ELOVL2: variants seen among roughly 807,000 people sequenced by gnomAD.
ELOVL2 encodes ELOVL fatty acid elongase 2, also known as very long chain fatty acid elongase 2.
A neutral mutation model predicts 37.7 loss-of-function variants in ELOVL2; 38 were observed. The observed-to-expected ratio is 1.01, with a 90% CI of 0.78 to 1.32. The LOEUF (loss-of-function observed/expected upper bound fraction) is 1.32. Among genes scored for constraint, ELOVL2 ranks in the 40% most tolerant of loss-of-function variants. ELOVL2 has a pLI of 0.00. For synonymous variants in ELOVL2, 115 were observed against 122.3 expected, an observed-to-expected ratio of 0.94 and a Z score of 0.40; for missense variants, 352 against 363.6, an observed-to-expected ratio of 0.97 and a Z score of 0.26.
Position 11,010,739 on chromosome 6 carries a change from C to G in ELOVL2, c.67+7G>C. The G allele has an allele frequency of 6.2e-7, 1 of 1,610,470 alleles. No homozygotes were observed. The highest frequency in any genetic ancestry group is 8.5e-7 in the Non-Finnish European group (1 of 1,177,400). Reference sequence around the variant, plus strand: ...TTCCACATTAAGTTCTCAAGTAATTCACTGACCTCGCGGTCCAAACATATT... The same window carrying G: ...TTCCACATTAAGTTCTCAAGTAATTGACTGACCTCGCGGTCCAAACATATT... On this transcript the variant is annotated splice_region_variant and intron_variant, in intron 2 of 7. Transcript: ENST00000354666.
chr6:11,028,593 A>T (rs1051831520), intron 1 of ELOVL2, among the ~76,000 whole-genome samples: 11 of 149,528 alleles, frequency 7.4e-5, no homozygotes, highest in African/African-American at 2.7e-4. Flanking sequence ...TTTTTATGGT[A>T]TTTTTTTTTT....
chr6:10,983,856 C>G lies in ELOVL2; in HGVS notation c.816G>C (p.Gly272=). 1 of 1,613,982 alleles carries G rather than the reference C, an allele frequency of 6.2e-7. No individual in the cohort carries two copies. Among genetic ancestry groups the G allele is most frequent in the Non-Finnish European group, 8.5e-7 (1 of 1,179,944 alleles). The stretch of plus-strand genomic sequence containing the variant: ...TGGAAAAACCATTCTTCACTTCTTT[C>G]CCTGCAGGTGGCTCTTGCATATCTT... The part of the protein sequence containing the change: ...MKKDMQEPPA[G]KEVKNGFSKA... Residue 272 remains glycine (G), a synonymous_variant, in exon 8 of 8, where the codon GGG becomes GGC. Coordinates refer to ENST00000354666, the MANE Select transcript of ELOVL2 (RefSeq NM_017770.4).
At chr6:11,024,361 T>C (rs1174856633) in intron 1 of ELOVL2, among the ~76,000 whole-genome samples, 1 of 152,210 alleles carries the variant, frequency 6.6e-6, no homozygotes, top group Non-Finnish European at 1.5e-5. Context: ...ACTACTATCC[T>C]TTTTCTTATT....
chr6:11,032,603 T>A (rs2113561117), intron 1 of ELOVL2, among the ~76,000 whole-genome samples: 1 of 152,340 alleles, frequency 6.6e-6, no homozygotes, highest in East Asian at 1.9e-4. Flanking sequence ...AGTTTATGAC[T>A]CTGAATGAAA....
rs1781926078 is a variant in ELOVL2 at position 10,981,088 on chromosome 6, CG to C, written c.*2692del. The C allele has an allele frequency of 1.3e-5, 2 of 152,112 alleles. No individual in the cohort carries two copies. The highest frequency in any genetic ancestry group is 4.1e-4 in the South Asian group (2 of 4,832). 9.4% of individuals were successfully genotyped at this position (152,112 alleles called of 1,614,324 possible). On this transcript the variant is annotated 3_prime_UTR_variant, in exon 8 of 8. Coordinates refer to ENST00000354666, the MANE Select transcript of ELOVL2 (RefSeq NM_017770.4). ...AAATGCAGGGGTGAGGACTTTACCC[CG>C]TAACATGCCTAAGTGGTTCGATATA...
At chr6:11,032,714 T>C (rs1782948826) in intron 1 of ELOVL2, among the ~76,000 whole-genome samples, 1 of 152,252 alleles carries the variant, frequency 6.6e-6, no homozygotes, top group Admixed American at 6.5e-5. Flanking sequence ...TGCAGGTACC[T>C]TTCTAGTGCT....
chr6:11,002,813 A>G (rs1782413754), intron 3 of ELOVL2, among the ~76,000 whole-genome samples: 1 of 152,238 alleles, frequency 6.6e-6, no homozygotes, highest in Non-Finnish European at 1.5e-5. Context: ...CTTCAAGTGT[A>G]GAAGCTGTGT....
rs571208700 is a variant in ELOVL2, at chr6:10,980,929, A to C, written c.*2852T>G. 1 of 152,754 alleles carries C rather than the reference A, an allele frequency of 6.5e-6. No homozygotes were observed. The highest frequency in any genetic ancestry group is 2.1e-4 in the South Asian group (1 of 4,830). 9.5% of individuals were successfully genotyped at this position (152,754 alleles called of 1,614,324 possible). A position where few individuals can be genotyped will look rare whatever the true frequency, so the allele number is the denominator to read the frequency against. On this transcript the variant is annotated 3_prime_UTR_variant, in exon 8 of 8. Coordinates refer to ENST00000354666, the MANE Select transcript of ELOVL2 (RefSeq NM_017770.4). ...GATATCCATATTTTCCAAACAAGGA[A>C]GCCCCCAGACACATTTATGAACGAT...
At chr6:11,005,904 G>GA (rs139327279) in intron 2 of ELOVL2, among the ~76,000 whole-genome samples, 31 of 149,058 alleles carry the variant, frequency 2.1e-4, no homozygotes, top group East Asian at 3.9e-4. Context: ...TTTATGGATG[G>GA]AAAAAAAAAC....
chr6:10,999,467 C>G (rs923225209), intron 4 of ELOVL2, among the ~76,000 whole-genome samples: 2 of 151,946 alleles, frequency 1.3e-5, no homozygotes, highest in African/African-American at 4.8e-5. Flanking sequence ...CCTCCGCCTC[C>G]CGGGTTCAAG....
At chr6:11,002,422 A>T (rs180700990) in intron 3 of ELOVL2, among the ~76,000 whole-genome samples, 3 of 152,358 alleles carry the variant, frequency 2.0e-5, no homozygotes, top group Admixed American at 2.0e-4. Flanking sequence ...GCAAGGTTAA[A>T]TCAGTGTGTC....
At chr6:10,997,848 C>G (rs749454762) in intron 4 of ELOVL2, among the ~76,000 whole-genome samples, 1 of 152,170 alleles carries the variant, frequency 6.6e-6, no homozygotes, top group East Asian at 1.9e-4. Context: ...AGTTTCTATT[C>G]AATTTTCACC....
intron 7 of ELOVL2, among the ~76,000 whole-genome samples, chr6:10,988,863 GT>G (rs1782094492): frequency 6.6e-6 from 1 of 152,178 alleles, no homozygotes; most frequent in Non-Finnish European, 1.5e-5. Context: ...CATTTAAGTT[GT>G]TAACTAAAAA....
chr6:11,043,473 C>CACACACACACACACA (rs1341764467), intron 1 of ELOVL2: 1 of 152,818 alleles, frequency 6.5e-6, no homozygotes. Context: ...GGTGAACACA[C>CACACACACACACACA]ACACACACAC....
intron 3 of ELOVL2, among the ~76,000 whole-genome samples, chr6:11,002,859 G>A (rs1185764468): frequency 6.6e-6 from 1 of 152,170 alleles, no homozygotes; most frequent in Admixed American, 6.5e-5. Context: ...TTCCTATTCA[G>A]TGCCTAGGAA....
At chr6:11,006,714 G>C (rs1365825362) in intron 2 of ELOVL2, among the ~76,000 whole-genome samples, 2 of 152,128 alleles carry the variant, frequency 1.3e-5, no homozygotes, top group African/African-American at 4.8e-5. Flanking sequence ...TCTCCCATTG[G>C]TGATAGAGAT....
chr6:11,037,296 A>G (rs1018718070), intron 1 of ELOVL2, among the ~76,000 whole-genome samples: 26 of 152,134 alleles, frequency 1.7e-4, no homozygotes, highest in African/African-American at 6.3e-4. Flanking sequence ...TCCTCAGTGT[A>G]ATGGTCAATG....
intron 1 of ELOVL2, among the ~76,000 whole-genome samples, chr6:11,043,236 G>T (rs994900742): frequency 1.3e-5 from 2 of 152,150 alleles, no homozygotes; most frequent in African/African-American, 4.8e-5. Flanking sequence ...AACCCTACGG[G>T]AAGGGGGTGA....
At chr6:10,990,006 T>A (rs1042664038) in intron 6 of ELOVL2, among the ~76,000 whole-genome samples, 169 bp from the exon 7 acceptor site, 11 of 152,314 alleles carry the variant, frequency 7.2e-5, no homozygotes, top group African/African-American at 2.6e-4. Context: ...TATTTGAAAT[T>A]AGTATGTGAA....
Sources: gnomAD v4.1 joint callset for allele counts (sites outside exome capture counted in the v4.1 genomes callset) on GRCh38, gnomAD v4.1.1 for gene constraint, MANE v1.5 for transcripts, NCBI Gene and HGNC (gene_info 2026-07-23, HGNC 2026-07-21) for gene names.